Variants in PIGF observed in about 807,000 individuals in gnomAD.
The protein encoded by PIGF is GPI ethanolamine phosphate transferase, stabilizing subunit.
PIGF carries 23 observed loss-of-function variants against 26.0 expected under a neutral mutation model. The observed-to-expected ratio is 0.88, with a 90% CI of 0.64 to 1.25. PIGF has a LOEUF of 1.25. Ranked by LOEUF, PIGF falls within the 50% of genes most tolerant of loss-of-function variation. PIGF has a pLI of 0.00. For missense variants in PIGF, 278 were observed against 249.9 expected, an observed-to-expected ratio of 1.11 and a Z score of -0.76; for synonymous variants, 93 against 92.6, an observed-to-expected ratio of 1.00 and a Z score of -0.03.
intron 4 of PIGF, among the ~76,000 whole-genome samples, chr2:46,610,064 T>G (rs1670361243): frequency 6.6e-6 from 1 of 152,240 alleles, no homozygotes; most frequent in Admixed American, 6.5e-5. Flanking sequence ...ATGCCTGTAT[T>G]TTGTAACCAT....
chr2:46,615,036 C>A lies in PIGF; in HGVS notation c.129G>T (p.Trp43Cys). ...TTACAAAACCAGAACAGATGCACAACCATGTCAAGTGTGTTTCCAATATTG... is the reference window on the plus strand; with the variant it reads ...TTACAAAACCAGAACAGATGCACAAACATGTCAAGTGTGTTTCCAATATTG... The part of the protein sequence containing the change: ...NFSILETHLT[W>C]LCICSGFVTA... The change falls in exon 2 of 6, where the codon TGG becomes TGT. Residue 43 changes from tryptophan to cysteine, a missense_variant. Trp to Cys is a radical substitution (Grantham distance 215). Transcript: ENST00000281382. The A allele has an allele frequency of 1.2e-6, 2 of 1,606,678 alleles. No individual in the cohort carries two copies. Among genetic ancestry groups the A allele is most frequent in the Admixed American group, 1.7e-5 (1 of 60,004 alleles).
chr2:46,613,745 G>C lies in PIGF; in HGVS notation c.269C>G (p.Ser90Cys), dbSNP rs753216187. Residue 90 changes from serine (S) to cysteine (C), a missense_variant, in exon 3 of 6, where the codon TCT becomes TGT. Transcript: ENST00000281382. ...AAAAATTACATGAAAGGAGAAACAA[G>C]ACATAAGAAAGTAGATACAGCATTT... is the stretch of plus-strand genomic sequence containing the variant. ...FLKCCIYFLM[S>C]CFSFHVIFVL... 3 of 1,551,662 alleles carry C rather than the reference G, an allele frequency of 1.9e-6. No homozygotes were observed. The Admixed American group carries it at 5.2e-5, about 27-fold the overall frequency.
At chr2:46,591,981 G>T in intron 5 of PIGF, 4 of 1,298,992 alleles carry the variant, frequency 3.1e-6, no homozygotes, top group African/African-American at 1.5e-5. Context: ...CAGAAAATAT[G>T]AATATAAGAC....
rs1558700189 is a variant in PIGF, at chr2:46,589,065, T to C, written c.546+3410A>G. ...TCAAATATTTGTTTTCTTGCTGAGA[T>C]TTTAAGGCAAATAAGGTAGAGGCAA... On this transcript the variant is annotated intron_variant, in intron 5 of 5. Transcript: ENST00000281382. The surrounding 1 kb of genome is among the most constrained non-coding windows in gnomAD (Gnocchi z 4.7). Among the ~76,000 whole-genome samples, 1 of 152,102 alleles carries C rather than the reference T, an allele frequency of 6.6e-6. No homozygotes were observed. The highest frequency in any genetic ancestry group is 1.9e-4 in the East Asian group (1 of 5,202).
At position 46,613,943 on chromosome 2, in the gene PIGF, C is replaced by T. The variant is rs1670518966; in HGVS notation, c.229-158G>A. The T allele has an allele frequency of 1.2e-5, 7 of 607,800 alleles. No individual in the cohort carries two copies. In the South Asian group the frequency reaches 1.5e-4, roughly 13 times the overall value. 37.7% of individuals were successfully genotyped at this position (607,800 alleles called of 1,614,324 possible). A position where few individuals can be genotyped will look rare whatever the true frequency, so the allele number is the denominator to read the frequency against. ...TCAGATCACATGTCCTGTACCGTCA[C>T]ATACACAGCCTTCGATACAGACTAA... On this transcript the variant is annotated intron_variant, in intron 2 of 5. Transcript: ENST00000281382.
intron 4 of PIGF, among the ~76,000 whole-genome samples, chr2:46,596,755 C>T: frequency 6.6e-6 from 1 of 152,074 alleles, no homozygotes; most frequent in South Asian, 2.1e-4. Context: ...CTTTTATCTA[C>T]AAGCTGCCTA....
intron 5 of PIGF, chr2:46,582,973 C>G (rs1335417748): frequency 6.6e-6 from 1 of 152,086 alleles, no homozygotes; most frequent in African/African-American, 2.4e-5. Flanking sequence ...CAAATGGAAT[C>G]TTATGTAACT....
chr2:46,599,366 G>A (rs902944871), intron 4 of PIGF, among the ~76,000 whole-genome samples: 2 of 152,164 alleles, frequency 1.3e-5, no homozygotes, highest in African/African-American at 4.8e-5. Context: ...TGTGAAAACT[G>A]TCTTCTATCA....
chr2:46,596,283 G>A (rs892068175), intron 4 of PIGF, among the ~76,000 whole-genome samples: 5 of 151,478 alleles, frequency 3.3e-5, no homozygotes, highest in Admixed American at 1.3e-4. Context: ...TGGGCTAAGA[G>A]GCAAAATCCA....
intron 3 of PIGF, among the ~76,000 whole-genome samples, chr2:46,612,971 A>C (rs1313133730): frequency 2.0e-5 from 3 of 152,044 alleles, no homozygotes; most frequent in Admixed American, 6.6e-5. Flanking sequence ...TTTCCATTAC[A>C]AAGGTCTTGT....
rs747263045 is a variant in PIGF at position 46,598,529 on chromosome 2, A to ATTTTTTTTTTTTTTTTTTTTT, written c.438-5967_438-5947dup. Reference sequence around the variant, plus strand: ...ATAAACTTTCTTAAAACATTATGAGATTTTTTTTTTTTTTTTTTTTTTTTA... The same window carrying ATTTTTTTTTTTTTTTTTTTTT: ...ATAAACTTTCTTAAAACATTATGAGATTTTTTTTTTTTTTTTTTTTTTTTTTTTTTTTTTTTTTTTTTTTTA... On this transcript the variant is annotated intron_variant, in intron 4 of 5. Transcript: ENST00000281382. 1.6e-4 allele frequency among the ~76,000 whole-genome samples: 17 copies of ATTTTTTTTTTTTTTTTTTTTT among 103,512 alleles called. 3 individuals carry two copies. Among genetic ancestry groups the ATTTTTTTTTTTTTTTTTTTTT allele is most frequent in the African/African-American group, 6.7e-4 (15 of 22,404 alleles). The allele number at this position is 103,512 out of a possible 152,430, so 67.9% of individuals were successfully genotyped here. A position where few individuals can be genotyped will look rare whatever the true frequency, so the allele number is the denominator to read the frequency against.
chr2:46,614,951 A>G lies in PIGF; in HGVS notation c.214T>C (p.Ser72Pro). ...VKPNTSSKRS[S>P]LSHKVTGFLK... Reference sequence around the variant, plus strand: ...ATAAGCCTTACCTTGTGTGATAATGAACTTCTTTTAGAGGATGTATTTGGT... The same window carrying G: ...ATAAGCCTTACCTTGTGTGATAATGGACTTCTTTTAGAGGATGTATTTGGT... Residue 72 changes from serine (S) to proline (P), a missense_variant, in exon 2 of 6, where the codon TCA becomes CCA. Physicochemically the swap from Ser to Pro is moderately conservative, Grantham distance 74. Coordinates refer to ENST00000281382, the MANE Select transcript of PIGF (RefSeq NM_002643.4). The G allele has an allele frequency of 6.6e-7, 1 of 1,521,236 alleles. No individual in the cohort carries two copies. Among genetic ancestry groups the G allele is most frequent in the South Asian group, 1.1e-5 (1 of 89,140 alleles). The allele number at this position is 1,521,236 out of a possible 1,614,324, so 94.2% of individuals were successfully genotyped here.
Position 46,606,970 on chromosome 2 carries a change from G to A in PIGF, c.437+5258C>T, listed in dbSNP as rs1670242344. On this transcript the variant is annotated intron_variant, in intron 4 of 5. Coordinates refer to ENST00000281382, the MANE Select transcript of PIGF (RefSeq NM_002643.4). ...GCATGCTACAACATAGATAAACCTT[G>A]AAAACATTATGCTAAGTAAAAAAAG... 2.6e-5 allele frequency among the ~76,000 whole-genome samples: 4 copies of A among 152,222 alleles called. No individual in the cohort carries two copies. The South Asian group carries it at 8.3e-4, about 32-fold the overall frequency.
intron 4 of PIGF, among the ~76,000 whole-genome samples, chr2:46,598,860 C>A (rs1036545908): frequency 1.3e-5 from 2 of 152,120 alleles, no homozygotes; most frequent in African/African-American, 4.8e-5. Flanking sequence ...TATTTTTAAA[C>A]AACAGCAACA....
At chr2:46,591,488 C>T in intron 5 of PIGF, 1 of 809,182 alleles carries the variant, frequency 1.2e-6, no homozygotes, top group South Asian at 5.7e-5. Context: ...AAAAAGAAAG[C>T]ACATTTATTT....
At chr2:46,603,544 A>G (rs1277699536) in intron 4 of PIGF, among the ~76,000 whole-genome samples, 1 of 152,118 alleles carries the variant, frequency 6.6e-6, no homozygotes, top group Non-Finnish European at 1.5e-5. Context: ...AGAACCCAGA[A>G]GTAAATCCAT....
Position 46,581,055 on chromosome 2 carries a change from G to C in PIGF, c.*423C>G, listed in dbSNP as rs750352612. On this transcript the variant is annotated 3_prime_UTR_variant, in exon 6 of 6. Coordinates refer to ENST00000281382, the MANE Select transcript of PIGF (RefSeq NM_002643.4). ...ACTGTAAAAAAAAGAATAGGATCAAGATGTATAAACTGTTGTTTAATTACG... is the reference window on the plus strand; with the variant it reads ...ACTGTAAAAAAAAGAATAGGATCAACATGTATAAACTGTTGTTTAATTACG... 2 of 1,570,874 alleles carry C rather than the reference G, an allele frequency of 1.3e-6. No homozygotes were observed. Among genetic ancestry groups the C allele is most frequent in the Non-Finnish European group, 1.7e-6 (2 of 1,164,546 alleles).
intron 4 of PIGF, among the ~76,000 whole-genome samples, chr2:46,608,458 A>G (rs951306654): frequency 6.6e-6 from 1 of 152,174 alleles, no homozygotes; most frequent in Non-Finnish European, 1.5e-5. Context: ...CTTCTCGTCA[A>G]TGTTGATATT....
chr2:46,604,931 G>A (rs972252167), intron 4 of PIGF, among the ~76,000 whole-genome samples: 3 of 151,862 alleles, frequency 2.0e-5, no homozygotes, highest in African/African-American at 7.2e-5. Context: ...TGATTATTAT[G>A]CATTGTGTGT....
Sources: allele counts gnomAD v4.1 joint callset (sites outside exome capture counted in the v4.1 genomes callset), GRCh38; gene constraint gnomAD v4.1.1; non-coding constraint Gnocchi (gnomAD v3.1); transcripts MANE v1.5; gene names NCBI Gene and HGNC (gene_info 2026-07-23, HGNC 2026-07-21).